The following SLC30A4 variants were observed in gnomAD, a reference collection of about 807,000 sequenced individuals.
SLC30A4 encodes probable proton-coupled zinc antiporter SLC30A4.
In SLC30A4, 20 loss-of-function variants were observed where a neutral mutation model predicts 41.7. That is an observed-to-expected ratio of 0.48 (90% CI 0.34 to 0.70). SLC30A4 has a LOEUF of 0.70. Among genes scored for constraint, SLC30A4 ranks in the 30% least tolerant of loss-of-function variants. The probability of loss-of-function intolerance (pLI) is 0.01; values close to 1 mark genes in which losing one functional copy is unlikely to be tolerated. For synonymous variants in SLC30A4, 181 were observed against 195.9 expected (o/e 0.92, Z 0.64); for missense variants, 441 against 529.3 (o/e 0.83, Z 1.64).
chr15:45,522,134 T>C lies in SLC30A4; in HGVS notation c.221A>G (p.Asp74Gly), dbSNP rs1258236054. 35 of 1,614,056 alleles carry C rather than the reference T, an allele frequency of 2.2e-5. No homozygotes were observed. Among genetic ancestry groups the C allele is most frequent in the Non-Finnish European group, 2.8e-5 (33 of 1,180,042 alleles). The change falls in exon 2 of 8, where the codon GAT becomes GGT. Residue 74 changes from aspartate to glycine, a missense_variant. Physicochemically the swap from Asp to Gly is moderately conservative, Grantham distance 94. Around this residue, in one of 3 missense-constraint regions of SLC30A4, gnomAD observed 312 missense variants for 341.9 expected, o/e 0.91. Coordinates refer to ENST00000261867, the MANE Select transcript of SLC30A4 (RefSeq NM_013309.6). The stretch of plus-strand genomic sequence containing the variant: ...AGGTAAGTCTTGGTCCAGTAAGGAA[T>C]CATCGTCGGCCTGGAGGGTCGGGTG... ...GAHPTLQADD[D>G]SLLDQDLPLT...
intron 3 of SLC30A4, among the ~76,000 whole-genome samples, chr15:45,494,732 T>C (rs553947507): frequency 2.6e-5 from 4 of 151,946 alleles, no homozygotes; most frequent in Non-Finnish European, 5.9e-5. Flanking sequence ...GAAATAATTT[T>C]AAAAATTCGA....
At chr15:45,489,099 T>C in intron 4 of SLC30A4, 57 bp from the exon 5 acceptor site, 1 of 1,269,004 alleles carries the variant, frequency 7.9e-7, no homozygotes, top group South Asian at 1.4e-5. Flanking sequence ...AAAACATTTG[T>C]CACTAGTCAG....
chr15:45,520,834 A>T, intron 2 of SLC30A4: 1 of 335,400 alleles, frequency 3.0e-6, no homozygotes. Context: ...GTATGCATGC[A>T]TGCCTAAATG....
Position 45,490,831 on chromosome 15 carries a change from A to G in SLC30A4, c.589T>C (p.Phe197Leu), listed in dbSNP as rs765120756. 1.2e-6 allele frequency: 2 copies of G among 1,609,980 alleles called. No individual in the cohort carries two copies. Among genetic ancestry groups the G allele is most frequent in the South Asian group, 1.1e-5 (1 of 90,486 alleles). ...CTTTGCACAGCTTCATATAAGAGGA[A>G]TCCCATAAGTATATACACCAACAGC... is the stretch of plus-strand genomic sequence containing the variant. ...SVLLVYILMG[F>L]LLYEAVQRTI... The change falls in exon 4 of 8, where the codon TTC becomes CTC. Residue 197 changes from phenylalanine to leucine, a missense_variant. Transcript: ENST00000261867.
chr15:45,518,703 C>T (rs1250382825), intron 2 of SLC30A4, among the ~76,000 whole-genome samples: 1 of 151,964 alleles, frequency 6.6e-6, no homozygotes, highest in African/African-American at 2.4e-5. Context: ...GCTAGGACCA[C>T]AGACACGCAC....
chr15:45,492,379 T>C (rs993893564), intron 3 of SLC30A4, among the ~76,000 whole-genome samples: 5 of 152,074 alleles, frequency 3.3e-5, no homozygotes, highest in African/African-American at 1.2e-4. Context: ...CAAGAAAGTA[T>C]TACATTTGGG....
intron 3 of SLC30A4, among the ~76,000 whole-genome samples, chr15:45,501,065 T>C (rs1160355952): frequency 2.0e-5 from 3 of 147,674 alleles, no homozygotes; most frequent in African/African-American, 7.4e-5. Flanking sequence ...CCCAGCACTT[T>C]GGGAGGCCGA....
Position 45,522,196 on chromosome 15 carries a change from G to A in SLC30A4, c.159C>T (p.Asp53=). 2 of 1,614,216 alleles carry A rather than the reference G, an allele frequency of 1.2e-6. No homozygotes were observed. The highest frequency in any genetic ancestry group is 1.7e-6 in the Non-Finnish European group (2 of 1,180,042). The change falls in exon 2 of 8, where the codon GAC becomes GAT. Residue 53 remains aspartate, a synonymous_variant. Coordinates refer to ENST00000261867, the MANE Select transcript of SLC30A4 (RefSeq NM_013309.6). The part of the protein sequence containing the change: ...FNKLRVVVAD[D]GSEAPERPVN... ...CAGGCCTTTCCGGGGCTTCGGAACC[G>A]TCATCGGCCACCACAACTCGAAGTT...
intron 2 of SLC30A4, among the ~76,000 whole-genome samples, chr15:45,520,724 A>C (rs768043713): frequency 6.6e-6 from 1 of 152,254 alleles, no homozygotes; most frequent in Non-Finnish European, 1.5e-5. Context: ...CTGGGACCAC[A>C]ATTGAAGAAA....
chr15:45,512,621 G>C (rs907246546), intron 2 of SLC30A4, among the ~76,000 whole-genome samples: 2 of 152,200 alleles, frequency 1.3e-5, no homozygotes, highest in Admixed American at 6.5e-5. Flanking sequence ...AGCACCAAGA[G>C]AAGGTTGGTG....
intron 2 of SLC30A4, among the ~76,000 whole-genome samples, chr15:45,512,042 T>C (rs1462641138): frequency 3.3e-5 from 5 of 152,210 alleles, no homozygotes; most frequent in Non-Finnish European, 7.3e-5. Flanking sequence ...TAGTTCGATA[T>C]AAAATATGTA....
At position 45,522,183 on chromosome 15, in the gene SLC30A4, G is replaced by C; in HGVS notation, c.172C>G (p.Pro58Ala). Residue 58 changes from proline to alanine, a missense_variant, in exon 2 of 8, where the codon CCG (proline) becomes GCG (alanine). Transcript: ENST00000261867. The stretch of plus-strand genomic sequence containing the variant: ...TGCGCCCCGTTAACAGGCCTTTCCG[G>C]GGCTTCGGAACCGTCATCGGCCACC... The part of the protein sequence containing the change: ...VVVADDGSEA[P>A]ERPVNGAHPT... The C allele has an allele frequency of 6.2e-7, 1 of 1,614,216 alleles. No individual in the cohort carries two copies. Among genetic ancestry groups the C allele is most frequent in the Non-Finnish European group, 8.5e-7 (1 of 1,180,048 alleles).
intron 3 of SLC30A4, among the ~76,000 whole-genome samples, chr15:45,494,571 GC>G (rs1891873884): frequency 6.6e-6 from 1 of 152,192 alleles, no homozygotes; most frequent in African/African-American, 2.4e-5. Context: ...TGTAATCCCA[GC>G]TACTCAGGAG....
chr15:45,505,151 A>G (rs962070036), intron 3 of SLC30A4, among the ~76,000 whole-genome samples: 3 of 151,850 alleles, frequency 2.0e-5, no homozygotes, highest in Non-Finnish European at 4.4e-5. Flanking sequence ...GAATCGCTTG[A>G]ATCCGGGAGG....
At chr15:45,493,847 C>T (rs1243432011) in intron 3 of SLC30A4, among the ~76,000 whole-genome samples, 4 of 151,666 alleles carry the variant, frequency 2.6e-5, no homozygotes, top group African/African-American at 9.7e-5. Flanking sequence ...ACAAAAAAAA[C>T]ACTCCTATAA....
chr15:45,488,057 G>T (rs960513755), intron 5 of SLC30A4, among the ~76,000 whole-genome samples: 4 of 151,576 alleles, frequency 2.6e-5, no homozygotes. Flanking sequence ...CCTCAGCTGG[G>T]ATTATAGGCA....
chr15:45,486,011 G>A (rs150646951), intron 7 of SLC30A4, among the ~76,000 whole-genome samples: 3 of 151,694 alleles, frequency 2.0e-5, no homozygotes, highest in East Asian at 1.9e-4. Flanking sequence ...GAGTCAACGC[G>A]CCAGGCCGGG....
chr15:45,489,080 A>G, intron 4 of SLC30A4, 38 bp from the exon 5 acceptor site: 1 of 1,470,218 alleles, frequency 6.8e-7, no homozygotes, highest in Non-Finnish European at 9.3e-7. Context: ...ATTTTTCCCA[A>G]TATTGACAAA....
At chr15:45,487,107 A>C (rs901403772) in intron 6 of SLC30A4, among the ~76,000 whole-genome samples, 1 of 152,192 alleles carries the variant, frequency 6.6e-6, no homozygotes, top group Admixed American at 6.5e-5. Context: ...TCATGCTTAC[A>C]CATAATATCA....
Sources: allele counts gnomAD v4.1 joint callset (sites outside exome capture counted in the v4.1 genomes callset), GRCh38; gene constraint gnomAD v4.1.1; regional missense constraint gnomAD v4.1.1; transcripts MANE v1.5; gene names NCBI Gene and HGNC (gene_info 2026-07-23, HGNC 2026-07-21).